The following SLC25A26 variants were observed in gnomAD, a reference collection of about 807,000 sequenced individuals.
The protein encoded by SLC25A26 is mitochondrial S-adenosylmethionine carrier protein.
Under a neutral mutation model 37.8 loss-of-function variants are expected in SLC25A26, and 36 were observed. The ratio of observed to expected loss-of-function variants is 0.95; its 90% CI spans 0.73 to 1.26. The LOEUF is 1.26. Among genes scored for constraint, SLC25A26 ranks in the 50% most tolerant of loss-of-function variants. SLC25A26 has a pLI of 0.00. For missense variants in SLC25A26, 390 were observed against 331.1 expected (o/e 1.18, Z -1.38); for synonymous variants, 129 against 122.5 (o/e 1.05, Z -0.35).
intron 6 of SLC25A26, chr3:66,355,910 T>C (rs1264765173): frequency 2.3e-6 from 1 of 429,956 alleles, no homozygotes; most frequent in South Asian, 1.7e-5. Context: ...CATTATCCTT[T>C]CCATTATCTT....
chr3:66,239,531 A>C (rs907401548), intron 2 of SLC25A26, among the ~76,000 whole-genome samples: 1 of 152,178 alleles, frequency 6.6e-6, no homozygotes, highest in Non-Finnish European at 1.5e-5. Flanking sequence ...TTATCTTGAC[A>C]TTTTAAAGCC....
In SLC25A26 at chr3:66,369,498, A is replaced by G; in HGVS notation, c.589A>G (p.Thr197Ala). 6.2e-7 allele frequency: 1 copy of G among 1,605,334 alleles called. No individual in the cohort carries two copies. Among genetic ancestry groups the G allele is most frequent in the Non-Finnish European group, 8.5e-7 (1 of 1,175,982 alleles). Reference protein sequence around the residue: ...AFAGGFAAAVTTPLDVAKTRI... With the variant: ...AFAGGFAAAVATPLDVAKTRI... The stretch of plus-strand genomic sequence containing the variant: ...TACAGGTGGATTTGCCGCTGCAGTC[A>G]CCACCCCTCTAGACGTGGCAAAGAC... The change falls in exon 8 of 10, where the codon ACC becomes GCC. Residue 197 changes from threonine to alanine, a missense_variant. Physicochemically the swap from Thr to Ala is moderately conservative, Grantham distance 58. Transcript: ENST00000354883.
At chr3:66,353,560 A>G (rs762882572) in intron 6 of SLC25A26, among the ~76,000 whole-genome samples, 4 of 152,226 alleles carry the variant, frequency 2.6e-5, no homozygotes, top group Non-Finnish European at 4.4e-5. Flanking sequence ...GTATTGTCGT[A>G]TACTCAAAAG....
chr3:66,328,736 CTCTTTA>C (rs1385743417), intron 5 of SLC25A26, among the ~76,000 whole-genome samples: 10 of 152,246 alleles, frequency 6.6e-5, no homozygotes, highest in Non-Finnish European at 1.2e-4. Flanking sequence ...CACTTAGTTT[CTCTTTA>C]TAAGATTTTT....
intron 5 of SLC25A26, among the ~76,000 whole-genome samples, chr3:66,345,030 A>G (rs931801283): frequency 3.3e-5 from 5 of 152,232 alleles, no homozygotes; most frequent in African/African-American, 1.2e-4. Flanking sequence ...AATAAAGCTT[A>G]CAAAGTGCAT....
intron 5 of SLC25A26, among the ~76,000 whole-genome samples, chr3:66,313,748 A>G (rs774582443): frequency 6.6e-6 from 1 of 152,218 alleles, no homozygotes; most frequent in Non-Finnish European, 1.5e-5. Flanking sequence ...CTTCCTATCC[A>G]TGAGCGTGGA....
At chr3:66,176,159 G>A (rs1207585018) in intron 1 of SLC25A26, among the ~76,000 whole-genome samples, 1 of 152,186 alleles carries the variant, frequency 6.6e-6, no homozygotes, top group Non-Finnish European at 1.5e-5. Context: ...CTACCCAGTT[G>A]TTAGGGTAGT....
intron 1 of SLC25A26, among the ~76,000 whole-genome samples, chr3:66,190,917 T>C (rs1390357558): frequency 6.6e-6 from 1 of 152,248 alleles, no homozygotes; most frequent in Non-Finnish European, 1.5e-5. Flanking sequence ...AGGAAGAAAT[T>C]GTAATCAAGA....
intron 7 of SLC25A26, among the ~76,000 whole-genome samples, chr3:66,363,499 G>A (rs906240696): frequency 3.9e-5 from 6 of 152,198 alleles, no homozygotes; most frequent in Admixed American, 6.5e-5. Flanking sequence ...ATGCAATACC[G>A]TGTTATCCAT....
intron 1 of SLC25A26, among the ~76,000 whole-genome samples, chr3:66,236,206 CTTTTTTTTTTTTTTT>C (rs1168848606): frequency 2.7e-4 from 22 of 82,896 alleles, no homozygotes; most frequent in African/African-American, 1.0e-3. Flanking sequence ...CACATCTGGA[CTTTTTTTTTTTTTTT>C]TTTTTTTTTT....
chr3:66,245,212 T>C (rs182892877), intron 3 of SLC25A26, among the ~76,000 whole-genome samples: 4 of 145,868 alleles, frequency 2.7e-5, no homozygotes, highest in East Asian at 2.0e-4. Flanking sequence ...CTGGCCAAAA[T>C]TGATATTTTA....
At chr3:66,360,906 C>T (rs1399841202) in intron 6 of SLC25A26, among the ~76,000 whole-genome samples, 1 of 152,028 alleles carries the variant, frequency 6.6e-6, no homozygotes, top group Non-Finnish European at 1.5e-5. Context: ...AATCAGATTG[C>T]AAAATTCATA....
At chr3:66,297,448 C>A (rs551060276) in intron 5 of SLC25A26, among the ~76,000 whole-genome samples, 1 of 151,880 alleles carries the variant, frequency 6.6e-6, no homozygotes, top group African/African-American at 2.4e-5. Context: ...GTAATGCATT[C>A]CATTTGTGGC....
At chr3:66,186,286 A>G (rs2070825424) in intron 1 of SLC25A26, among the ~76,000 whole-genome samples, 1 of 151,614 alleles carries the variant, frequency 6.6e-6, no homozygotes, top group South Asian at 2.1e-4. Flanking sequence ...CATCATCATG[A>G]TATTATCTCA....
At chr3:66,185,692 G>C (rs1014878915) in intron 1 of SLC25A26, among the ~76,000 whole-genome samples, 1 of 151,956 alleles carries the variant, frequency 6.6e-6, no homozygotes, top group Non-Finnish European at 1.5e-5. Context: ...CTTTTACCAT[G>C]TCCTTACACT....
At chr3:66,369,660 G>A in intron 8 of SLC25A26, 118 bp downstream of exon 8, 1 of 824,320 alleles carries the variant, frequency 1.2e-6, no homozygotes, top group Non-Finnish European at 2.0e-6. Flanking sequence ...AGCATCTTAT[G>A]CTGCCTGTGC....
intron 1 of SLC25A26, among the ~76,000 whole-genome samples, chr3:66,203,903 G>A (rs2071140081): frequency 6.6e-6 from 1 of 152,066 alleles, no homozygotes; most frequent in African/African-American, 2.4e-5. Context: ...GCCTCACAAT[G>A]GCAGAGAATG....
chr3:66,211,728 T>A lies in SLC25A26; in HGVS notation c.-353-9014T>A, dbSNP rs1015082653. 9.8e-5 allele frequency among the ~76,000 whole-genome samples: 15 copies of A among 152,350 alleles called. No homozygotes were observed. In the South Asian group the frequency reaches 3.1e-3, roughly 32 times the overall value. On this transcript the variant is annotated intron_variant, in intron 1 of 10. Transcript: ENST00000676754. The stretch of plus-strand genomic sequence containing the variant: ...GAGACTGAGAAATTTCACAAATGTT[T>A]CACAAGCATTTCATTTTTGAAATCA...
chr3:66,308,302 T>C (rs1331939533), intron 5 of SLC25A26, among the ~76,000 whole-genome samples: 1 of 152,214 alleles, frequency 6.6e-6, no homozygotes, highest in Non-Finnish European at 1.5e-5. Flanking sequence ...GCTCTCTGAT[T>C]GTCTGTTAAT....
Sources: gnomAD v4.1 joint callset for allele counts (sites outside exome capture counted in the v4.1 genomes callset) on GRCh38, gnomAD v4.1.1 for gene constraint, MANE v1.5 for transcripts, NCBI Gene and HGNC (gene_info 2026-07-23, HGNC 2026-07-21) for gene names.